DIAPH2: variants seen among roughly 807,000 people sequenced by gnomAD.
The protein encoded by DIAPH2 is protein diaphanous homolog 2.
Under a neutral mutation model 92.7 loss-of-function variants are expected in DIAPH2, and 35 were observed. The ratio of observed to expected loss-of-function variants is 0.38; its 90% confidence interval spans 0.29 to 0.50. The LOEUF (loss-of-function observed/expected upper bound fraction) is 0.50, where lower values mean the gene tolerates loss of function less well. Among genes scored for constraint, DIAPH2 ranks in the 20% least tolerant of loss-of-function variants. DIAPH2 has a pLI of 0.94. For missense variants in DIAPH2, 701 were observed against 819.5 expected, an observed-to-expected ratio of 0.86 and a Z score of 1.77; for synonymous variants, 301 against 280.4, an observed-to-expected ratio of 1.07 and a Z score of -0.73.
Position 96,747,781 on chromosome X carries a change from C to G in DIAPH2, c.342+9019C>G, listed in dbSNP as rs955679161. ...TAGCTTGGATGAATCTTTTCATGCC[C>G]TCAGAATAAGTAATTTTAATTAATA... On this transcript the variant is annotated intron_variant, in intron 3 of 26. Transcript: ENST00000324765. Among the ~76,000 whole-genome samples, 10 of 111,602 alleles carry G rather than the reference C, an allele frequency of 9.0e-5. No individual in the cohort carries two copies. In the Admixed American group the frequency reaches 9.5e-4, roughly 11 times the overall value.
intron 26 of DIAPH2, among the ~76,000 whole-genome samples, chrX:97,455,758 A>G (rs893863158): frequency 1.8e-5 from 2 of 112,131 alleles, no homozygotes; most frequent in African/African-American, 6.5e-5. Flanking sequence ...CCTTTATTGT[A>G]TATGTTTGAA....
intron 26 of DIAPH2, among the ~76,000 whole-genome samples, chrX:97,462,667 G>A (rs5921828): frequency 0.054 from 5,969 of 111,380 alleles, 130 homozygotes; most frequent in African/African-American, 0.096. Flanking sequence ...GCTATTATCT[G>A]TCATGTTAAA....
At chrX:97,588,011 T>C (rs934946693) in intron 26 of DIAPH2, among the ~76,000 whole-genome samples, 6 of 111,882 alleles carry the variant, frequency 5.4e-5, no homozygotes, top group Non-Finnish European at 9.4e-5. Context: ...ATTGTGACTA[T>C]CCATTGTAAG....
chrX:96,902,336 T>C (rs954906134), intron 5 of DIAPH2, among the ~76,000 whole-genome samples: 1 of 112,069 alleles, frequency 8.9e-6, no homozygotes, highest in African/African-American at 3.2e-5. Flanking sequence ...ATTGTTTCTT[T>C]GTTGACTTTC....
At chrX:96,729,078 C>T in intron 1 of DIAPH2, among the ~76,000 whole-genome samples, 1 of 112,064 alleles carries the variant, frequency 8.9e-6, no homozygotes, top group Non-Finnish European at 1.9e-5. Context: ...GTGGAGACAA[C>T]TCAAAGTAAG....
chrX:97,469,980 T>C (rs1223169309), intron 26 of DIAPH2: 1 of 427,538 alleles, frequency 2.3e-6, no homozygotes, highest in East Asian at 4.6e-5. Flanking sequence ...AAAACAGATA[T>C]ATAGTCTACA....
intron 5 of DIAPH2, among the ~76,000 whole-genome samples, chrX:96,909,251 C>T (rs376257506): frequency 9.0e-6 from 1 of 111,674 alleles, no homozygotes. Flanking sequence ...TCTAGTGTTT[C>T]AATGTCAGAA....
chrX:96,981,361 G>T (rs1160721703), intron 17 of DIAPH2, among the ~76,000 whole-genome samples: 1 of 111,078 alleles, frequency 9.0e-6, no homozygotes, highest in Non-Finnish European at 1.9e-5. Flanking sequence ...TTGATTTGTT[G>T]TTTCATTCTA....
At chrX:97,214,705 C>A (rs1383940489) in intron 22 of DIAPH2, among the ~76,000 whole-genome samples, 1 of 108,111 alleles carries the variant, frequency 9.2e-6, no homozygotes, top group Non-Finnish European at 1.9e-5. Flanking sequence ...GTTGCGCATG[C>A]CTGTAATCCC....
At position 96,958,028 on chromosome X, in the gene DIAPH2, A is replaced by G. The variant is rs1481877392; in HGVS notation, c.1815A>G (p.Pro605=). Residue 605 remains proline (P), a synonymous_variant, in exon 16 of 27, where the codon CCA becomes CCG. Transcript: ENST00000324765. ...CACTTTTATTTGGGGGACCTCCTCC[A>G]CCACCACCCCTTGGAGGAGTTCCTC... ...PPPLLFGGPP[P]PPPLGGVPPP... is the part of the protein sequence containing the mutation. 8.3e-7 allele frequency: 1 copy of G among 1,209,183 alleles called. No individual in the cohort carries two copies. The highest frequency in any genetic ancestry group is 1.1e-6 in the Non-Finnish European group (1 of 894,965).
At chrX:97,296,824 C>T (rs1477920064) in intron 23 of DIAPH2, among the ~76,000 whole-genome samples, 1 of 104,939 alleles carries the variant, frequency 9.5e-6, no homozygotes, top group African/African-American at 3.5e-5. Flanking sequence ...GTTGCCCAGG[C>T]TGGAGTGCAG....
intron 22 of DIAPH2, among the ~76,000 whole-genome samples, chrX:97,226,361 TTTA>T (rs201157601): frequency 1.9e-5 from 2 of 104,280 alleles, no homozygotes; most frequent in African/African-American, 8.1e-5. Context: ...TGTTTTTTGT[TTTA>T]TTTTGTTTTG....
intron 22 of DIAPH2, among the ~76,000 whole-genome samples, chrX:97,147,037 T>C (rs190788261): frequency 9.0e-6 from 1 of 111,076 alleles, no homozygotes. Context: ...AGTTAGTTAG[T>C]GACTATTGCA....
At chrX:96,921,828 C>T (rs748997665) in intron 9 of DIAPH2, among the ~76,000 whole-genome samples, 21 of 109,593 alleles carry the variant, frequency 1.9e-4, no homozygotes, top group Admixed American at 2.9e-4. Flanking sequence ...TGCACATACA[C>T]GTATCTACAT....
intron 26 of DIAPH2, among the ~76,000 whole-genome samples, chrX:97,430,691 G>A (rs1051511282): frequency 2.7e-5 from 3 of 112,534 alleles, no homozygotes; most frequent in Non-Finnish European, 5.6e-5. Context: ...AAGTTACCAT[G>A]TGTCATTTAA....
chrX:96,988,653 C>A (rs2066048173), intron 17 of DIAPH2, among the ~76,000 whole-genome samples: 1 of 111,227 alleles, frequency 9.0e-6, no homozygotes, highest in Non-Finnish European at 1.9e-5. Context: ...TACAGTGAAG[C>A]TCGAATTAGT....
chrX:96,999,471 A>T (rs1307198882), intron 17 of DIAPH2, among the ~76,000 whole-genome samples: 1 of 96,357 alleles, frequency 1.0e-5, no homozygotes, highest in East Asian at 3.3e-4. Context: ...ACTGCACTCC[A>T]GCCTGGGTGA....
intron 1 of DIAPH2, among the ~76,000 whole-genome samples, chrX:96,697,411 C>T (rs752944567): frequency 7.7e-4 from 84 of 109,590 alleles, no homozygotes; most frequent in African/African-American, 2.6e-3. Flanking sequence ...TTTGGGCGGC[C>T]GAGGCAGGTG....
chrX:96,842,042 G>A (rs2064940128), intron 4 of DIAPH2, among the ~76,000 whole-genome samples: 1 of 110,957 alleles, frequency 9.0e-6, no homozygotes, highest in Admixed American at 9.6e-5. Flanking sequence ...GGCAGGAACC[G>A]GCCATTTTAA....
Sources: gnomAD v4.1 joint callset for allele counts (sites outside exome capture counted in the v4.1 genomes callset) on GRCh38, gnomAD v4.1.1 for gene constraint, MANE v1.5 for transcripts, NCBI Gene and HGNC (gene_info 2026-07-23, HGNC 2026-07-21) for gene names.